CHSY3: variants seen among roughly 807,000 people sequenced by gnomAD.
CHSY3 encodes the protein chondroitin sulfate synthase 3.
Under a neutral mutation model 67.2 loss-of-function variants are expected in CHSY3, and 35 were observed. The ratio of observed to expected loss-of-function variants is 0.52; its 90% confidence interval spans 0.40 to 0.69. CHSY3 has a LOEUF of 0.69. CHSY3 is among the 30% of genes least tolerant of loss of function. The pLI is 0.00. For synonymous variants in CHSY3, 474 were observed against 434.7 expected, an observed-to-expected ratio of 1.09 and a Z score of -1.12; for missense variants, 1,069 against 1,138.5, an observed-to-expected ratio of 0.94 and a Z score of 0.88.
intron 2 of CHSY3, among the ~76,000 whole-genome samples, chr5:130,082,876 A>G (rs1408166678): frequency 6.6e-6 from 1 of 151,564 alleles, no homozygotes; most frequent in Non-Finnish European, 1.5e-5. Context: ...ATACATATAT[A>G]TGTATATACA....
At chr5:130,073,159 T>C (rs1766139785) in intron 2 of CHSY3, among the ~76,000 whole-genome samples, 1 of 152,094 alleles carries the variant, frequency 6.6e-6, no homozygotes. Context: ...AATGTACTCA[T>C]GCAAAAAAAA....
At chr5:130,158,061 C>T (rs905440665) in intron 2 of CHSY3, among the ~76,000 whole-genome samples, 1 of 152,202 alleles carries the variant, frequency 6.6e-6, no homozygotes, top group Non-Finnish European at 1.5e-5. Flanking sequence ...ACTCTTGTTG[C>T]CATCTTGGTT....
At chr5:130,094,703 C>A (rs1561534225) in intron 2 of CHSY3, among the ~76,000 whole-genome samples, 2 of 152,016 alleles carry the variant, frequency 1.3e-5, no homozygotes, top group Non-Finnish European at 2.9e-5. Flanking sequence ...TAGGAAGTGG[C>A]AGGGGGGTAG....
chr5:129,938,010 C>A (rs1057151208), intron 2 of CHSY3, among the ~76,000 whole-genome samples: 1 of 152,178 alleles, frequency 6.6e-6, no homozygotes, highest in Non-Finnish European at 1.5e-5. Context: ...TGCAGCAAAC[C>A]TCTGCCTGAA....
chr5:130,134,190 C>G (rs1397917298), intron 2 of CHSY3, among the ~76,000 whole-genome samples: 14 of 152,154 alleles, frequency 9.2e-5, no homozygotes, highest in Admixed American at 7.9e-4. Flanking sequence ...TCTGATTCTG[C>G]ATGCAGTCCA....
intron 2 of CHSY3, among the ~76,000 whole-genome samples, chr5:130,096,171 T>C (rs2078158478): frequency 6.6e-6 from 1 of 152,068 alleles, no homozygotes; most frequent in African/African-American, 2.4e-5. Flanking sequence ...TGGAGAAATA[T>C]ATATATATAT....
intron 2 of CHSY3, among the ~76,000 whole-genome samples, chr5:130,156,657 A>G (rs567926012): frequency 2.4e-4 from 36 of 152,312 alleles, no homozygotes; most frequent in African/African-American, 8.4e-4. Context: ...AGGGCTTAAT[A>G]TTAGTAAAGA....
At chr5:130,074,417 A>G (rs566759118) in intron 2 of CHSY3, among the ~76,000 whole-genome samples, 6 of 152,296 alleles carry the variant, frequency 3.9e-5, no homozygotes, top group African/African-American at 1.2e-4. Flanking sequence ...TATGGCACAC[A>G]TTCCTAAAAG....
chr5:130,015,882 C>T (rs1561497826), intron 2 of CHSY3, among the ~76,000 whole-genome samples: 3 of 152,142 alleles, frequency 2.0e-5, no homozygotes, highest in Admixed American at 1.3e-4. Context: ...TATATATACT[C>T]CACGGAATAC....
chr5:129,993,611 C>T (rs1273547807), intron 2 of CHSY3, among the ~76,000 whole-genome samples: 7 of 151,972 alleles, frequency 4.6e-5, no homozygotes, highest in South Asian at 2.1e-4. Flanking sequence ...TGTCTCTGCA[C>T]GTGAGATGGG....
At chr5:129,956,769 G>A (rs1762187776) in intron 2 of CHSY3, among the ~76,000 whole-genome samples, 1 of 151,852 alleles carries the variant, frequency 6.6e-6, no homozygotes, top group Non-Finnish European at 1.5e-5. Flanking sequence ...AGCTCAGATG[G>A]TTGTAGGTTT....
chr5:130,083,474 A>G (rs1228014221), intron 2 of CHSY3, among the ~76,000 whole-genome samples: 1 of 152,016 alleles, frequency 6.6e-6, no homozygotes, highest in Non-Finnish European at 1.5e-5. Flanking sequence ...CCACTACCAT[A>G]AGGCTAATGA....
intron 2 of CHSY3, among the ~76,000 whole-genome samples, chr5:130,013,827 A>G (rs765497556): frequency 6.6e-6 from 1 of 152,194 alleles, no homozygotes. Flanking sequence ...CTTGTTACTT[A>G]TGCAAATTTC....
chr5:130,075,702 A>T (rs981728098), intron 2 of CHSY3, among the ~76,000 whole-genome samples: 19 of 152,284 alleles, frequency 1.2e-4, no homozygotes, highest in African/African-American at 4.6e-4. Context: ...TAGGGAAATG[A>T]AGTAATAGTG....
chr5:130,053,118 A>G (rs1561514682), intron 2 of CHSY3, among the ~76,000 whole-genome samples: 1 of 152,142 alleles, frequency 6.6e-6, no homozygotes, highest in Non-Finnish European at 1.5e-5. Context: ...CCAAATAGGA[A>G]CACTTCTAAA....
intron 2 of CHSY3, among the ~76,000 whole-genome samples, chr5:129,957,410 C>G (rs1004978930): frequency 6.6e-6 from 1 of 152,046 alleles, no homozygotes; most frequent in African/African-American, 2.4e-5. Context: ...TGTCTGCAAA[C>G]AGGGATAGTT....
intron 2 of CHSY3, among the ~76,000 whole-genome samples, chr5:129,950,611 T>G (rs1283222879): frequency 1.3e-5 from 2 of 152,186 alleles, no homozygotes; most frequent in African/African-American, 4.8e-5. Flanking sequence ...AATCAGTTGT[T>G]TTCCTGTACA....
At chr5:130,093,407 A>G (rs1001534822) in intron 2 of CHSY3, among the ~76,000 whole-genome samples, 11 of 152,190 alleles carry the variant, frequency 7.2e-5, no homozygotes, top group Non-Finnish European at 1.5e-4. Flanking sequence ...TTATTTTAAG[A>G]AACTATATAT....
In CHSY3 at chr5:129,904,862, C is replaced by A; in HGVS notation, c.33C>A (p.Ser11Arg). Reference sequence around the variant, plus strand: ...TGCGCTCTCGCCGCCCGTGGATGAGCGTGGCATTAGGGCTGGTGCTGGGCT... The same window carrying A: ...TGCGCTCTCGCCGCCCGTGGATGAGAGTGGCATTAGGGCTGGTGCTGGGCT... MAVRSRRPWM[S>R]VALGLVLGFT... The change falls in exon 1 of 3, where the codon AGC becomes AGA. Residue 11 changes from serine to arginine, a missense_variant. Coordinates refer to ENST00000305031, the MANE Select transcript of CHSY3 (RefSeq NM_175856.5). 2 of 1,471,186 alleles carry A rather than the reference C, an allele frequency of 1.4e-6. No individual in the cohort carries two copies. The highest frequency in any genetic ancestry group is 1.4e-5 in the African/African-American group (1 of 69,116). 91.1% of individuals were successfully genotyped at this position (1,471,186 alleles called of 1,614,324 possible).
Sources: gnomAD v4.1 joint callset for allele counts (sites outside exome capture counted in the v4.1 genomes callset) on GRCh38, gnomAD v4.1.1 for gene constraint, MANE v1.5 for transcripts, NCBI Gene and HGNC (gene_info 2026-07-23, HGNC 2026-07-21) for gene names.